The following TRIM37 variants were observed in gnomAD, a reference collection of about 807,000 sequenced individuals.
TRIM37 encodes tripartite motif containing 37.
Under a neutral mutation model 129.8 loss-of-function variants are expected in TRIM37, and 80 were observed. The observed-to-expected ratio is 0.62, with a 90% CI of 0.51 to 0.74. The LOEUF is 0.74. Ranked by LOEUF, TRIM37 falls within the 30% of genes least tolerant of loss-of-function variation. The pLI is 0.00. For missense variants in TRIM37, 1,054 were observed against 1,176.5 expected (o/e 0.90, Z 1.52); for synonymous variants, 389 against 387.1 (o/e 1.00, Z -0.06).
At chr17:59,068,924 T>C (rs913216646) in intron 9 of TRIM37, among the ~76,000 whole-genome samples, 14 of 151,578 alleles carry the variant, frequency 9.2e-5, no homozygotes, top group African/African-American at 3.2e-4. Context: ...GGGTGGGGAG[T>C]GCTACTGGGA....
At position 59,024,444 on chromosome 17, in the gene TRIM37, A is replaced by G. The variant is rs190227939; in HGVS notation, c.2257+3971T>C. Among the ~76,000 whole-genome samples, 5 of 152,358 alleles carry G rather than the reference A, an allele frequency of 3.3e-5. No individual in the cohort carries two copies. The East Asian group carries it at 9.6e-4, about 29-fold the overall frequency. On this transcript the variant is annotated intron_variant, in intron 19 of 23. Coordinates refer to ENST00000262294, the MANE Select transcript of TRIM37 (RefSeq NM_015294.6). ...GAGAGTTCTAAAAAAGGATATGAAT[A>G]TAACAGATGACCTGAATAAATGGAG...
downstream of TRIM37, chr17:58,980,396 C>T (rs753162691): frequency 6.2e-7 from 1 of 1,614,092 alleles, no homozygotes; most frequent in Non-Finnish European, 8.5e-7. This position sits in a 1 kb window ranked among gnomAD's most constrained non-coding sequence, Gnocchi z 4.7. Flanking sequence ...CTATGATGGG[C>T]GTGTGGATTC....
intron 24 of TRIM37, among the ~76,000 whole-genome samples, chr17:58,986,166 C>T (rs34077052): frequency 6.6e-6 from 1 of 152,000 alleles, no homozygotes; most frequent in Admixed American, 6.6e-5. Context: ...CATTCCCCCC[C>T]ACACCCGCCC....
At chr17:59,089,729 T>C (rs1599492014) in intron 3 of TRIM37, among the ~76,000 whole-genome samples, 1 of 152,206 alleles carries the variant, frequency 6.6e-6, no homozygotes, top group Admixed American at 6.5e-5. Context: ...GTGGCTACCA[T>C]ACTGGACAGT....
intron 24 of TRIM37, among the ~76,000 whole-genome samples, chr17:58,989,350 C>T (rs1489456274): frequency 2.0e-5 from 3 of 152,000 alleles, no homozygotes; most frequent in Admixed American, 2.0e-4. Context: ...GCAGGAGAAT[C>T]GCTTGAACCT....
chr17:58,994,194 G>C (rs572123323), downstream of TRIM37, among the ~76,000 whole-genome samples: 8 of 152,150 alleles, frequency 5.3e-5, no homozygotes, highest in East Asian at 1.5e-3. Flanking sequence ...TACCAATATA[G>C]ACTCACAGTC....
chr17:59,084,040 T>G lies in TRIM37; in HGVS notation c.331A>C (p.Lys111Gln). ...AGTGCACACTGATGGCAGATACACT[T>G]CTTACAAGTCCAGCAAAATACACTA... is the stretch of plus-strand genomic sequence containing the variant. ...KLSVFCWTCK[K>Q]CICHQCALWG... Residue 111 changes from lysine to glutamine, a missense_variant, in exon 5 of 24, where the codon AAG (lysine) becomes CAG (glutamine). This residue lies in a region of TRIM37 where 752 missense variants were observed against 870.8 expected (regional missense o/e 0.86). Coordinates refer to ENST00000262294, the MANE Select transcript of TRIM37 (RefSeq NM_015294.6). 7.4e-6 allele frequency: 12 copies of G among 1,613,890 alleles called. No individual in the cohort carries two copies. The highest frequency in any genetic ancestry group is 1.0e-5 in the Non-Finnish European group (12 of 1,179,948).
chr17:59,028,633 G>GAA lies in TRIM37; in HGVS notation c.2038_2039insTT (p.Thr680IlefsTer10), dbSNP rs764310128. The stretch of plus-strand genomic sequence containing the variant: ...CATACATCGAACTTCGGCCATTTGA[G>GAA]TTTTGAGTCTTTTTAGCATCTTTAA... On this transcript the variant is annotated frameshift_variant, in exon 19 of 24. Coordinates refer to ENST00000262294, the MANE Select transcript of TRIM37 (RefSeq NM_015294.6). LOFTEE classifies it high-confidence loss of function. 6.2e-7 allele frequency: 1 copy of GAA among 1,614,190 alleles called. No individual in the cohort carries two copies. Among genetic ancestry groups the GAA allele is most frequent in the Non-Finnish European group, 8.5e-7 (1 of 1,180,030 alleles).
chr17:58,971,333 C>G, the TRIM37 span, among the ~76,000 whole-genome samples: 1 of 152,064 alleles, frequency 6.6e-6, no homozygotes, highest in South Asian at 2.1e-4. Flanking sequence ...TACAAGAGAC[C>G]TTTTACCACC....
intron 2 of TRIM37, among the ~76,000 whole-genome samples, chr17:59,094,615 A>T (rs892440695): frequency 6.7e-6 from 1 of 148,214 alleles, no homozygotes; most frequent in Non-Finnish European, 1.5e-5. Context: ...AGATAATCTT[A>T]AAAAAAAAAC....
At chr17:59,031,182 A>G (rs9898048) in intron 18 of TRIM37, among the ~76,000 whole-genome samples, 102,246 of 152,052 alleles carry the variant, frequency 0.67, 35,008 homozygotes, top group African/African-American at 0.79. Flanking sequence ...CCTTAAAACT[A>G]CATCAAAATC....
At chr17:59,091,959 T>C (rs2044427995) in intron 2 of TRIM37, among the ~76,000 whole-genome samples, 1 of 151,696 alleles carries the variant, frequency 6.6e-6, no homozygotes, top group African/African-American at 2.4e-5. Flanking sequence ...TATTTCTATC[T>C]AGTTTACTAC....
chr17:58,980,818 A>G, downstream of TRIM37: 1 of 1,614,220 alleles, frequency 6.2e-7, no homozygotes, highest in Non-Finnish European at 8.5e-7. This position sits in a 1 kb window ranked among gnomAD's most constrained non-coding sequence, Gnocchi z 4.7. Context: ...GGTTTAATCC[A>G]AAGTTTTATT....
At chr17:59,057,149 A>C in intron 12 of TRIM37, 95 bp from the exon 13 acceptor site, 1 of 1,044,344 alleles carries the variant, frequency 9.6e-7, no homozygotes, top group Admixed American at 2.0e-5. Flanking sequence ...TAATTACCTG[A>C]GAAGAAACCT....
At chr17:59,081,961 A>ATAATAATAAT (rs1248128507) in intron 5 of TRIM37, among the ~76,000 whole-genome samples, 64 of 110,394 alleles carry the variant, frequency 5.8e-4, no homozygotes, top group Non-Finnish European at 8.8e-4. Context: ...AATAAAAAAA[A>ATAATAATAAT]AAAAATAATA....
At position 59,056,951 on chromosome 17, in the gene TRIM37, AG is replaced by A. The variant is rs767260820; in HGVS notation, c.1122del (p.Tyr375IlefsTer16). 1 of 1,613,888 alleles carries A rather than the reference AG, an allele frequency of 6.2e-7. No homozygotes were observed. Among genetic ancestry groups the A allele is most frequent in the Non-Finnish European group, 8.5e-7 (1 of 1,179,896 alleles). ...ASDFEVGECWGYNRFFRLDLL... is the reference protein window; with the variant it reads ...ASDFEVGECWXYNRFFRLDLL... ...AAGTCCAAACGGAAAAATCTATTAT[AG>A]CCCCAGCATTCTCCAACTTCAAAGT... On this transcript the variant is annotated frameshift_variant, in exon 13 of 24. Transcript: ENST00000262294. LOFTEE classifies it high-confidence loss of function.
intron 6 of TRIM37, among the ~76,000 whole-genome samples, chr17:59,080,730 G>A (rs901066533): frequency 9.2e-5 from 14 of 152,156 alleles, no homozygotes; most frequent in African/African-American, 3.4e-4. Context: ...GGTGGAGGTT[G>A]TAGTGAGCTG....
chr17:59,006,586 CAACT>C (rs2034510727), intron 22 of TRIM37, among the ~76,000 whole-genome samples: 1 of 152,034 alleles, frequency 6.6e-6, no homozygotes, highest in African/African-American at 2.4e-5. Context: ...TGAGGGAGAC[CAACT>C]AACTGGACTT....
At chr17:58,972,680 T>C in the TRIM37 span, 1 of 681,310 alleles carries the variant, frequency 1.5e-6, no homozygotes, top group Non-Finnish European at 2.5e-6. Flanking sequence ...CAATTATTGC[T>C]ATCACATCAG....
Sources: allele counts gnomAD v4.1 joint callset (sites outside exome capture counted in the v4.1 genomes callset), GRCh38; gene constraint gnomAD v4.1.1; regional missense constraint gnomAD v4.1.1; non-coding constraint Gnocchi (gnomAD v3.1); transcripts MANE v1.5; gene names NCBI Gene and HGNC (gene_info 2026-07-23, HGNC 2026-07-21).